PSG11: variants seen among roughly 807,000 people sequenced by gnomAD.
PSG11 encodes pregnancy specific beta-1-glycoprotein 11.
Under a neutral mutation model 36.0 loss-of-function variants are expected in PSG11, and 42 were observed. The ratio of observed to expected loss-of-function variants is 1.17; its 90% CI spans 0.91 to 1.51. PSG11 has a LOEUF of 1.51. Ranked by LOEUF, PSG11 falls within the 40% of genes most tolerant of loss-of-function variation. The pLI is 0.00. For missense variants in PSG11, 558 were observed against 403.5 expected (o/e 1.38, Z -3.28); for synonymous variants, 206 against 153.5 (o/e 1.34, Z -2.53).
chr19:43,015,759 A>G (rs1400910370), intron 3 of PSG11: 1 of 1,609,790 alleles, frequency 6.2e-7, no homozygotes, highest in Non-Finnish European at 8.5e-7. Flanking sequence ...CAGAGGAACA[A>G]AAGATACAGA....
At chr19:43,021,029 G>C (rs1412051487) in intron 2 of PSG11, among the ~76,000 whole-genome samples, 1 of 151,318 alleles carries the variant, frequency 6.6e-6, no homozygotes, top group East Asian at 1.9e-4. Flanking sequence ...TGAGGAAACA[G>C]TTGTATGTGG....
chr19:43,014,648 A>C lies in PSG11; in HGVS notation c.964+468T>G, dbSNP rs1265278456. On this transcript the variant is annotated intron_variant, in intron 4 of 5. Transcript: ENST00000320078. ...AGGAGCCCGGAGCAGAGCAGGAAGC[A>C]GAGTCTGAGCTGCTCCTCCCTCACC... The C allele has an allele frequency of 2.8e-5, 31 of 1,105,082 alleles. 1 individual carries two copies. The highest frequency in any genetic ancestry group is 2.1e-4 in the African/African-American group (13 of 60,818). The allele number at this position is 1,105,082 out of a possible 1,614,324, so 68.5% of individuals were successfully genotyped here.
chr19:43,016,068 A>G, intron 3 of PSG11: 1 of 1,596,080 alleles, frequency 6.3e-7, no homozygotes, highest in Middle Eastern at 1.9e-4. Flanking sequence ...CAGAGAGAAG[A>G]TTGTCCTGTG....
chr19:43,017,017 C>T (rs751598085), intron 3 of PSG11, among the ~76,000 whole-genome samples: 4 of 151,230 alleles, frequency 2.6e-5, no homozygotes, highest in Admixed American at 2.0e-4. Context: ...CCCCTGGGTT[C>T]GACTACTCTA....
At chr19:43,019,916 C>T (rs1283590768) in intron 2 of PSG11, among the ~76,000 whole-genome samples, 1 of 151,432 alleles carries the variant, frequency 6.6e-6, no homozygotes. Context: ...AAGTCTGGCC[C>T]TCATGGACCA....
At chr19:43,019,281 C>G (rs1299952982) in intron 2 of PSG11, 5 of 929,732 alleles carry the variant, frequency 5.4e-6, no homozygotes, top group Non-Finnish European at 7.6e-6. Context: ...AATTGAGCAG[C>G]AGCATTGGGT....
intron 2 of PSG11, among the ~76,000 whole-genome samples, chr19:43,023,532 G>C (rs1341391630): frequency 6.6e-6 from 1 of 151,204 alleles, no homozygotes; most frequent in African/African-American, 2.4e-5. Context: ...GTTGAAGCAG[G>C]TGATTTAGTT....
At chr19:43,023,258 C>G (rs1967148391) in intron 2 of PSG11, among the ~76,000 whole-genome samples, 1 of 150,480 alleles carries the variant, frequency 6.6e-6, no homozygotes, top group Non-Finnish European at 1.5e-5. Flanking sequence ...ATTCTGCATT[C>G]AAGATCCAGT....
chr19:43,009,233 C>T (rs1875087362), intron 5 of PSG11, among the ~76,000 whole-genome samples: 1 of 151,348 alleles, frequency 6.6e-6, no homozygotes, highest in Admixed American at 6.6e-5. Flanking sequence ...CTCAGGTTCA[C>T]ATGTTAATCC....
rs747657112 is a variant in PSG11, at chr19:43,025,916, C to CTTT, written c.64+390_64+392dup. On this transcript the variant is annotated intron_variant, in intron 1 of 5. Transcript: ENST00000320078. ...CCAGGCATCAACAGGGCCTTCTTTCCTTTTTTTTTTTTTTTTTCTCTTTTT... is the reference window on the plus strand; with the variant it reads ...CCAGGCATCAACAGGGCCTTCTTTCCTTTTTTTTTTTTTTTTTTTTCTCTTTTT... Among the ~76,000 whole-genome samples, 171 of 61,934 alleles carry CTTT rather than the reference C, an allele frequency of 2.8e-3. 2 individuals are homozygous for CTTT. Among genetic ancestry groups the CTTT allele is most frequent in the East Asian group, 0.017 (17 of 982 alleles). 40.6% of individuals were successfully genotyped at this position (61,934 alleles called of 152,430 possible). A position where few individuals can be genotyped will look rare whatever the true frequency, so the allele number is the denominator to read the frequency against.
In PSG11 at chr19:43,024,434, A is replaced by G. The variant is rs576627415; in HGVS notation, c.430+257T>C. ...GGCATGAGGTGCTTGGCTGAGACTG[A>G]TCTCCTCCTGCTGAGTCCCCCCATC... is the stretch of plus-strand genomic sequence containing the variant. On this transcript the variant is annotated intron_variant, in intron 2 of 5. Coordinates refer to ENST00000320078, the MANE Select transcript of PSG11 (RefSeq NM_002785.3). 671 of 579,332 alleles carry G rather than the reference A, an allele frequency of 1.2e-3. 12 individuals are homozygous for G. The highest frequency in any genetic ancestry group is 1.3e-3 in the South Asian group (63 of 48,790). 35.9% of individuals were successfully genotyped at this position (579,332 alleles called of 1,614,324 possible).
chr19:43,013,327 C>A (rs1375423847), intron 4 of PSG11, among the ~76,000 whole-genome samples: 2 of 151,128 alleles, frequency 1.3e-5, no homozygotes, highest in South Asian at 4.2e-4. Flanking sequence ...AAAGGCAACC[C>A]ATGAAATGAT....
intron 4 of PSG11, chr19:43,014,206 C>T (rs1186438630): frequency 2.8e-5 from 13 of 458,484 alleles, no homozygotes; most frequent in Non-Finnish European, 3.7e-5. Flanking sequence ...GGTTACATAA[C>T]ACTAAATTGC....
rs1489288294 is a variant in PSG11 at position 43,024,872 on chromosome 19, TACATATG to T, written c.242_248del (p.Ser81Ter). ...CATATATAATTATTTGACCGTCTAC[TACATATG>T]ATGTAATGTAATGGTAGAGGTCCCT... On this transcript the variant is annotated frameshift_variant, in exon 2 of 6. Coordinates refer to ENST00000320078, the MANE Select transcript of PSG11 (RefSeq NM_002785.3). LOFTEE classifies it high-confidence loss of function. 6.2e-7 allele frequency: 1 copy of T among 1,611,700 alleles called. No homozygotes were observed. Among genetic ancestry groups the T allele is most frequent in the African/African-American group, 1.3e-5 (1 of 74,246 alleles).
At chr19:43,016,096 C>G in intron 3 of PSG11, 1 of 1,557,956 alleles carries the variant, frequency 6.4e-7, no homozygotes, top group Non-Finnish European at 8.7e-7. Flanking sequence ...TTTGATTCCT[C>G]CACAGGCATC....
chr19:43,020,703 G>T (rs1156472154), intron 2 of PSG11, among the ~76,000 whole-genome samples: 1 of 151,282 alleles, frequency 6.6e-6, no homozygotes, highest in Non-Finnish European at 1.5e-5. Context: ...CTTAAGTAGA[G>T]AGAGTCCCGT....
chr19:43,025,916 CTTTTTTTTTTTTTTTTTCTCTTTT>C (rs1163965849), intron 1 of PSG11, among the ~76,000 whole-genome samples: 30 of 61,996 alleles, frequency 4.8e-4, no homozygotes, highest in African/African-American at 1.8e-3. Flanking sequence ...GCCTTCTTTC[CTTTTTTTTTTTTTTTTTCTCTTTT>C]TTTTTTTTTT....
intron 4 of PSG11, among the ~76,000 whole-genome samples, chr19:43,012,072 G>A (rs1392667916): frequency 6.6e-5 from 10 of 151,158 alleles, no homozygotes; most frequent in Non-Finnish European, 1.2e-4. Context: ...TCAGTAACAA[G>A]ATTCAATCCA....
At chr19:43,012,347 A>T (rs1195923174) in intron 4 of PSG11, among the ~76,000 whole-genome samples, 1 of 151,470 alleles carries the variant, frequency 6.6e-6, no homozygotes, top group Non-Finnish European at 1.5e-5. Context: ...GGAAGGAAGG[A>T]GTAAAATTAT....
Sources: allele counts gnomAD v4.1 joint callset (sites outside exome capture counted in the v4.1 genomes callset), GRCh38; gene constraint gnomAD v4.1.1; transcripts MANE v1.5; gene names NCBI Gene and HGNC (gene_info 2026-07-23, HGNC 2026-07-21).